UBE3A: variants seen among roughly 807,000 people sequenced by gnomAD.
UBE3A encodes the protein ubiquitin-protein ligase E3A.
UBE3A carries 6 observed loss-of-function variants against 83.4 expected under a neutral mutation model. That is an observed-to-expected ratio of 0.07 (90% CI 0.04 to 0.14). The LOEUF is 0.14. UBE3A is among the 10% of genes least tolerant of loss of function. The pLI, the probability that UBE3A is intolerant of heterozygous loss-of-function variation, is 1.00. For synonymous variants in UBE3A, 337 were observed against 355.4 expected (o/e 0.95, Z 0.58); for missense variants, 456 against 1,036.1 (o/e 0.44, Z 7.69).
At chr15:25,378,845 A>T (rs1318667205) in intron 4 of UBE3A, among the ~76,000 whole-genome samples, 1 of 152,220 alleles carries the variant, frequency 6.6e-6, no homozygotes, top group Admixed American at 6.5e-5. Context: ...ATCTGGTACC[A>T]CAAAGGCAGA....
At chr15:25,373,508 C>T (rs933946787) in intron 5 of UBE3A, 2 of 152,200 alleles carry the variant, frequency 1.3e-5, no homozygotes, top group African/African-American at 2.4e-5. Flanking sequence ...CATGGAGTCT[C>T]ACTCTGTTGC....
intron 6 of UBE3A, among the ~76,000 whole-genome samples, chr15:25,367,648 T>C (rs1052594279): frequency 6.6e-6 from 1 of 152,062 alleles, no homozygotes; most frequent in Non-Finnish European, 1.5e-5. Flanking sequence ...TTACAATGAA[T>C]TGCTGGTATT....
Position 25,338,748 on chromosome 15 carries a change from A to G in UBE3A, c.*389T>C, listed in dbSNP as rs1024193048. 6.5e-6 allele frequency: 1 copy of G among 153,006 alleles called. No homozygotes were observed. The highest frequency in any genetic ancestry group is 2.4e-5 in the African/African-American group (1 of 41,438). The allele number at this position is 153,006 out of a possible 1,614,324, so 9.5% of individuals were successfully genotyped here. A position where few individuals can be genotyped will look rare whatever the true frequency, so the allele number is the denominator to read the frequency against. Reference sequence around the variant, plus strand: ...TCCTTGGGAGAGTAGTTCTGTTGGTATATATTTTTTAAATACTCAAAAGGC... The same window carrying G: ...TCCTTGGGAGAGTAGTTCTGTTGGTGTATATTTTTTAAATACTCAAAAGGC... On this transcript the variant is annotated 3_prime_UTR_variant, in exon 13 of 13. Coordinates refer to ENST00000648336, the MANE Select transcript of UBE3A (RefSeq NM_130839.5).
chr15:25,416,016 A>G (rs1157301642), intron 1 of UBE3A, among the ~76,000 whole-genome samples: 1 of 152,200 alleles, frequency 6.6e-6, no homozygotes, highest in Admixed American at 6.5e-5. Flanking sequence ...AGAATAACCA[A>G]AACAATTGTT....
chr15:25,430,027 C>CTATATATATATATATATATATA (rs199950859), intron 1 of UBE3A, among the ~76,000 whole-genome samples: 5 of 66,170 alleles, frequency 7.6e-5, no homozygotes, highest in South Asian at 4.4e-4. Flanking sequence ...AAAAAAAAAC[C>CTATATATATATATATATATATA]TATATATATA....
At chr15:25,382,075 T>C (rs564804439) in intron 4 of UBE3A, among the ~76,000 whole-genome samples, 25 of 152,276 alleles carry the variant, frequency 1.6e-4, no homozygotes, top group South Asian at 1.5e-3. Flanking sequence ...TCCCAGCACT[T>C]TGGGAGGCCG....
At chr15:25,343,085 A>T (rs2075123554) in intron 11 of UBE3A, among the ~76,000 whole-genome samples, 1 of 152,210 alleles carries the variant, frequency 6.6e-6, no homozygotes, top group African/African-American at 2.4e-5. Flanking sequence ...AAAGCAACAG[A>T]AGAGGGATCC....
chr15:25,358,584 T>C (rs1394265669), intron 7 of UBE3A, among the ~76,000 whole-genome samples: 4 of 152,114 alleles, frequency 2.6e-5, no homozygotes, highest in African/African-American at 4.8e-5. Context: ...TAATTTCCAA[T>C]AGAAAAGTAG....
At chr15:25,420,931 AAAAC>A (rs1889514435) in intron 1 of UBE3A, among the ~76,000 whole-genome samples, 1 of 152,156 alleles carries the variant, frequency 6.6e-6, no homozygotes, top group African/African-American at 2.4e-5. Flanking sequence ...ATAAATAAAT[AAAAC>A]AAAAAGTGAT....
intron 4 of UBE3A, among the ~76,000 whole-genome samples, chr15:25,380,684 T>A (rs1336146561): frequency 1.3e-5 from 2 of 152,178 alleles, no homozygotes; most frequent in African/African-American, 4.8e-5. Context: ...CTGTTCATAA[T>A]CAAAATTCCT....
At chr15:25,403,868 G>A (rs1260879598) in intron 4 of UBE3A, among the ~76,000 whole-genome samples, 1 of 152,172 alleles carries the variant, frequency 6.6e-6, no homozygotes, top group African/African-American at 2.4e-5. Flanking sequence ...AAAACTGTAT[G>A]ATTGCACTTA....
intron 1 of UBE3A, among the ~76,000 whole-genome samples, chr15:25,428,604 A>G (rs1312782717): frequency 6.6e-6 from 1 of 152,196 alleles, no homozygotes; most frequent in Non-Finnish European, 1.5e-5. Context: ...TTTCCTTTAA[A>G]AACATTTATT....
At chr15:25,383,259 T>C (rs2082512703) in intron 4 of UBE3A, among the ~76,000 whole-genome samples, 1 of 152,140 alleles carries the variant, frequency 6.6e-6, no homozygotes, top group African/African-American at 2.4e-5. Context: ...AAAAATCACT[T>C]TAATACACTG....
Position 25,422,056 on chromosome 15 carries a change from C to T in UBE3A, c.-164-10085G>A, listed in dbSNP as rs1299691806. On this transcript the variant is annotated intron_variant, in intron 1 of 12. Coordinates refer to ENST00000648336, the MANE Select transcript of UBE3A (RefSeq NM_130839.5). ...TAAAACTGAAAACAATTTAAATGTT[C>T]ACCAGAAAATGAATGAACTGTGGTA... is the stretch of plus-strand genomic sequence containing the variant. 2.6e-5 allele frequency: 4 copies of T among 152,074 alleles called. No homozygotes were observed. The East Asian group carries it at 7.7e-4, about 29-fold the overall frequency. The allele number at this position is 152,074 out of a possible 1,614,324, so 9.4% of individuals were successfully genotyped here. A position where few individuals can be genotyped will look rare whatever the true frequency, so the allele number is the denominator to read the frequency against.
rs1244763239 is a variant in UBE3A at position 25,338,449 on chromosome 15, T to C, written c.*688A>G. The C allele has an allele frequency of 2.0e-5, 3 of 152,072 alleles. No homozygotes were observed. Among genetic ancestry groups the C allele is most frequent in the African/African-American group, 7.2e-5 (3 of 41,420 alleles). 9.4% of individuals were successfully genotyped at this position (152,072 alleles called of 1,614,324 possible). The stretch of plus-strand genomic sequence containing the variant: ...GGCATGAGTTGTTTTTGTTTTTAAT[T>C]TGTTGTGCTGTTACTAAAGTTCTGA... On this transcript the variant is annotated 3_prime_UTR_variant, in exon 13 of 13. Transcript: ENST00000648336.
chr15:25,409,991 T>C (rs994645075), intron 2 of UBE3A, among the ~76,000 whole-genome samples: 1 of 151,060 alleles, frequency 6.6e-6, no homozygotes, highest in African/African-American at 2.4e-5. Flanking sequence ...CTGGGGACTG[T>C]TGTGGGGTGG....
At chr15:25,414,286 T>C (rs768043547) in intron 1 of UBE3A, among the ~76,000 whole-genome samples, 1 of 152,206 alleles carries the variant, frequency 6.6e-6, no homozygotes, top group Non-Finnish European at 1.5e-5. Flanking sequence ...TGTAGGTTGA[T>C]ACTTGTTCAG....
In UBE3A at chr15:25,340,162, C is replaced by G; in HGVS notation, c.2421G>C (p.Thr807=). The change falls in exon 12 of 13, where the codon ACG becomes ACC. Residue 807 remains threonine (T), a synonymous_variant. Transcript: ENST00000648336. The part of the protein sequence containing the change: ...EQKRLFLQFT[T]GTDRAPVGGL... ...CTCCCACAGGTGCTCTGTCTGTGCCCGTTGTAAACTGCAAGAAGAGTCTTT... is the reference window on the plus strand; with the variant it reads ...CTCCCACAGGTGCTCTGTCTGTGCCGGTTGTAAACTGCAAGAAGAGTCTTT... 1 of 1,613,962 alleles carries G rather than the reference C, an allele frequency of 6.2e-7. No individual in the cohort carries two copies. Among genetic ancestry groups the G allele is most frequent in the Non-Finnish European group, 8.5e-7 (1 of 1,179,960 alleles).
chr15:25,357,285 AGT>A (rs899186217), intron 7 of UBE3A: 2 of 172,178 alleles, frequency 1.2e-5, no homozygotes, highest in Non-Finnish European at 2.5e-5. Flanking sequence ...ACATTTCCAA[AGT>A]GTTTCATTTA....
Sources: gnomAD v4.1 joint callset for allele counts (sites outside exome capture counted in the v4.1 genomes callset) on GRCh38, gnomAD v4.1.1 for gene constraint, MANE v1.5 for transcripts, NCBI Gene and HGNC (gene_info 2026-07-23, HGNC 2026-07-21) for gene names.